TRPM1: variants seen among roughly 807,000 people sequenced by gnomAD.
TRPM1 encodes TRPM1-203 APA Isoform, Intron 10.
TRPM1 carries 113 observed loss-of-function variants against 149.4 expected under a neutral mutation model. That is an observed-to-expected ratio of 0.76 (90% confidence interval 0.65 to 0.88). TRPM1 has a LOEUF of 0.88. Ranked by LOEUF, TRPM1 falls within the 40% of genes least tolerant of loss-of-function variation. The probability of loss-of-function intolerance (pLI) is 0.00; values close to 1 mark genes in which losing one functional copy is unlikely to be tolerated. For missense variants in TRPM1, 1,976 were observed against 2,038.7 expected (o/e 0.97, Z 0.59); for synonymous variants, 741 against 759.5 (o/e 0.98, Z 0.40).
chr15:31,063,319 A>G, intron 7 of TRPM1, 27 bp from the exon 8 acceptor site: 1 of 1,613,978 alleles, frequency 6.2e-7, no homozygotes, highest in Non-Finnish European at 8.5e-7. Context: ...ATTCGCCCAT[A>G]CCACCTGTGC....
In TRPM1 at chr15:31,076,989, A is replaced by AAG; in HGVS notation, c.4-7_4-6dup. On this transcript the variant is annotated splice_polypyrimidine_tract_variant and splice_region_variant and intron_variant, in intron 2 of 27. Coordinates refer to ENST00000256552, the MANE Select transcript of TRPM1 (RefSeq NM_001252024.2). Reference sequence around the variant, plus strand: ...CTCTATCCAAGATTTCTGACCCTGGAAGAGAGAGAGAAGTGGATATTGGAC... The same window carrying AAG: ...CTCTATCCAAGATTTCTGACCCTGGAAGAGAGAGAGAGAAGTGGATATTGGAC... 5 of 1,599,982 alleles carry AAG rather than the reference A, an allele frequency of 3.1e-6. No individual in the cohort carries two copies. The highest frequency in any genetic ancestry group is 1.3e-5 in the African/African-American group (1 of 74,764).
Position 31,018,082 on chromosome 15 carries a change from C to T in TRPM1, c.3629+8057G>A, listed in dbSNP as rs185875604. Among the ~76,000 whole-genome samples, 1,030 of 152,160 alleles carry T rather than the reference C, an allele frequency of 6.8e-3. 8 individuals are homozygous for T. The highest frequency in any genetic ancestry group is 0.012 in the Admixed American group (185 of 15,284). The stretch of plus-strand genomic sequence containing the variant: ...TTATTTTATTTTTGAGATGGAGTTT[C>T]GCTCTATCGCCCAGGCTGGAGTGCA... On this transcript the variant is annotated intron_variant, in intron 27 of 27. Transcript: ENST00000256552.
intron 1 of TRPM1, among the ~76,000 whole-genome samples, chr15:31,111,595 T>C (rs966562699): frequency 1.3e-5 from 2 of 152,216 alleles, no homozygotes; most frequent in South Asian, 2.1e-4. Context: ...AACAGGATCT[T>C]TGGGGACAAA....
At chr15:31,048,670 G>C (rs74914426) in intron 13 of TRPM1, among the ~76,000 whole-genome samples, 1 of 152,020 alleles carries the variant, frequency 6.6e-6, no homozygotes, top group South Asian at 2.1e-4. Flanking sequence ...AAATTAGCTG[G>C]GTGTGGTGGT....
intron 1 of TRPM1, among the ~76,000 whole-genome samples, chr15:31,088,971 G>A (rs1035952646): frequency 1.3e-5 from 2 of 152,212 alleles, no homozygotes; most frequent in African/African-American, 4.8e-5. Flanking sequence ...GGGGCTCCCA[G>A]CACTTTCTTG....
intron 1 of TRPM1, among the ~76,000 whole-genome samples, chr15:31,157,379 G>T (rs2036391279): frequency 6.6e-6 from 1 of 152,150 alleles, no homozygotes; most frequent in South Asian, 2.1e-4. Context: ...GTCTTCTACA[G>T]CATGAATGTG....
intron 1 of TRPM1, among the ~76,000 whole-genome samples, chr15:31,123,806 A>C (rs2035909664): frequency 6.6e-6 from 1 of 152,224 alleles, no homozygotes. Flanking sequence ...ACATAGTCTT[A>C]TCTTATGATC....
intron 1 of TRPM1, among the ~76,000 whole-genome samples, chr15:31,112,802 A>C (rs2141025273): frequency 6.6e-6 from 1 of 152,328 alleles, no homozygotes; most frequent in Admixed American, 6.5e-5. Flanking sequence ...GGAGATTCAC[A>C]ATGCATATTA....
chr15:31,150,948 C>T (rs528753734), intron 1 of TRPM1, among the ~76,000 whole-genome samples: 4 of 152,246 alleles, frequency 2.6e-5, no homozygotes, highest in Non-Finnish European at 2.9e-5. Context: ...AGTCCACATG[C>T]GCATTAGGAG....
intron 1 of TRPM1, among the ~76,000 whole-genome samples, chr15:31,091,465 C>T (rs890108724): frequency 3.3e-5 from 5 of 152,182 alleles, no homozygotes; most frequent in African/African-American, 1.2e-4. Flanking sequence ...GCAGGTTGGC[C>T]AGTTAGCTGC....
intron 1 of TRPM1, among the ~76,000 whole-genome samples, chr15:31,121,316 T>G (rs1285774757): frequency 6.7e-6 from 1 of 149,070 alleles, no homozygotes; most frequent in African/African-American, 2.5e-5. Context: ...AAAACTAATA[T>G]AAGCAGGAAA....
chr15:31,087,792 G>A (rs143314927), intron 1 of TRPM1, among the ~76,000 whole-genome samples: 97 of 152,248 alleles, frequency 6.4e-4, no homozygotes, highest in Non-Finnish European at 1.2e-3. Flanking sequence ...TGTGATGTGC[G>A]GTACCAAGAG....
At chr15:31,155,119 C>G (rs541861925) in intron 1 of TRPM1, among the ~76,000 whole-genome samples, 1 of 152,314 alleles carries the variant, frequency 6.6e-6, no homozygotes, top group East Asian at 1.9e-4. Context: ...TGCATCCAAG[C>G]AGATTCCAAA....
Position 31,031,080 on chromosome 15 carries a change from C to G in TRPM1, c.3030G>C (p.Leu1010=). ...MSFGVARQAI[L]HPEEKPSWKL... ...TCCAAGAGGGCTTCTCCTCTGGATG[C>G]AGAATGGCTTGACGGGCTACTCCGA... Residue 1010 remains leucine (L), a synonymous_variant, in exon 23 of 28, where the codon CTG becomes CTC. Coordinates refer to ENST00000256552, the MANE Select transcript of TRPM1 (RefSeq NM_001252024.2). 1 of 1,614,178 alleles carries G rather than the reference C, an allele frequency of 6.2e-7. No homozygotes were observed. The highest frequency in any genetic ancestry group is 8.5e-7 in the Non-Finnish European group (1 of 1,180,018).
chr15:31,126,684 C>G (rs1397655373), intron 1 of TRPM1, among the ~76,000 whole-genome samples: 1 of 152,204 alleles, frequency 6.6e-6, no homozygotes, highest in Non-Finnish European at 1.5e-5. Flanking sequence ...CATTTGCCGG[C>G]CAGGCGCAGT....
chr15:31,049,303 A>G, intron 13 of TRPM1, 72 bp downstream of exon 13: 1 of 1,608,344 alleles, frequency 6.2e-7, no homozygotes, highest in Non-Finnish European at 8.5e-7. Flanking sequence ...ACATTTATGC[A>G]CAATATGCAC....
chr15:31,097,523 T>G (rs1452650856), intron 1 of TRPM1, among the ~76,000 whole-genome samples: 2 of 152,166 alleles, frequency 1.3e-5, no homozygotes, highest in East Asian at 3.8e-4. Flanking sequence ...GGATGCTTGT[T>G]GCAGTGTATT....
chr15:31,071,348 G>A (rs2034532414), intron 3 of TRPM1, among the ~76,000 whole-genome samples: 2 of 152,174 alleles, frequency 1.3e-5, no homozygotes, highest in Non-Finnish European at 2.9e-5. Context: ...GGAGAGCTGG[G>A]GATGGAGTTG....
chr15:31,071,718 C>T (rs957540299), intron 3 of TRPM1, among the ~76,000 whole-genome samples: 21 of 152,046 alleles, frequency 1.4e-4, no homozygotes, highest in African/African-American at 2.4e-4. Context: ...AATCCCAACA[C>T]TTTGAGAGGC....
Sources: gnomAD v4.1 joint callset for allele counts (sites outside exome capture counted in the v4.1 genomes callset) on GRCh38, gnomAD v4.1.1 for gene constraint, MANE v1.5 for transcripts, NCBI Gene and HGNC (gene_info 2026-07-23, HGNC 2026-07-21) for gene names.